The following CDKAL1 variants were observed in gnomAD, a reference collection of about 807,000 sequenced individuals.
CDKAL1 encodes the protein threonylcarbamoyladenosine tRNA methylthiotransferase.
CDKAL1 carries 32 observed loss-of-function variants against 68.2 expected under a neutral mutation model. That is an observed-to-expected ratio of 0.47 (90% CI 0.35 to 0.63). The LOEUF (loss-of-function observed/expected upper bound fraction) is 0.63. Among genes scored for constraint, CDKAL1 ranks in the 30% least tolerant of loss-of-function variants. The probability of loss-of-function intolerance (pLI) is 0.00; values close to 1 mark genes in which losing one functional copy is unlikely to be tolerated. For synonymous variants in CDKAL1, 234 were observed against 244.3 expected (o/e 0.96, Z 0.39); for missense variants, 606 against 696.7 (o/e 0.87, Z 1.47).
chr6:20,864,010 AAAAG>A (rs1242445310), intron 9 of CDKAL1, among the ~76,000 whole-genome samples: 1 of 152,178 alleles, frequency 6.6e-6, no homozygotes, highest in African/African-American at 2.4e-5. Flanking sequence ...TTTTAGTAAA[AAAAG>A]GAGGAGAGGT....
chr6:20,968,170 T>C (rs994972734), intron 10 of CDKAL1, among the ~76,000 whole-genome samples: 5 of 151,542 alleles, frequency 3.3e-5, no homozygotes, highest in Middle Eastern at 3.4e-3. Context: ...TTTTTTGTTT[T>C]TTTTTTGGAC....
chr6:20,558,681 T>C (rs1382583892), intron 4 of CDKAL1: 5 of 441,302 alleles, frequency 1.1e-5, no homozygotes, highest in Non-Finnish European at 2.3e-5. Context: ...TTGAGGAAAA[T>C]AGATTGGCAG....
chr6:20,858,809 G>T (rs914265142), intron 9 of CDKAL1, among the ~76,000 whole-genome samples: 1 of 151,980 alleles, frequency 6.6e-6, no homozygotes, highest in African/African-American at 2.4e-5. Flanking sequence ...TGTATGTAAT[G>T]TATGATCACA....
intron 12 of CDKAL1, among the ~76,000 whole-genome samples, chr6:21,098,454 G>T (rs1162190636): frequency 6.6e-6 from 1 of 151,364 alleles, no homozygotes; most frequent in African/African-American, 2.4e-5. Flanking sequence ...GGGAAAAGGT[G>T]ACCTGAATGG....
At chr6:20,757,968 C>G (rs564631990) in intron 6 of CDKAL1, among the ~76,000 whole-genome samples, 1 of 152,062 alleles carries the variant, frequency 6.6e-6, no homozygotes, top group African/African-American at 2.4e-5. Flanking sequence ...CCCCAGGAGT[C>G]ATCCTTGGTT....
At chr6:20,991,548 A>G (rs888887775) in intron 10 of CDKAL1, among the ~76,000 whole-genome samples, 3 of 151,842 alleles carry the variant, frequency 2.0e-5, no homozygotes, top group Non-Finnish European at 4.4e-5. Flanking sequence ...TCTCTACTAA[A>G]ATACAAAAAT....
chr6:20,985,487 G>T (rs1008622278), intron 10 of CDKAL1, among the ~76,000 whole-genome samples: 1 of 152,128 alleles, frequency 6.6e-6, no homozygotes, highest in African/African-American at 2.4e-5. Flanking sequence ...TAGAGATGGG[G>T]TTTCACTATG....
chr6:20,684,135 G>T (rs1770509712), intron 5 of CDKAL1, among the ~76,000 whole-genome samples: 2 of 152,066 alleles, frequency 1.3e-5, no homozygotes, highest in Admixed American at 6.6e-5. Context: ...TCTAAGTTTT[G>T]GCAATTATGA....
intron 5 of CDKAL1, among the ~76,000 whole-genome samples, chr6:20,735,893 T>A (rs1004131108): frequency 2.0e-5 from 3 of 152,248 alleles, no homozygotes; most frequent in Non-Finnish European, 2.9e-5. Context: ...TTTGTACACC[T>A]CTATAAAACT....
At chr6:20,801,603 TA>T (rs1288685065) in intron 8 of CDKAL1, among the ~76,000 whole-genome samples, 3 of 152,206 alleles carry the variant, frequency 2.0e-5, no homozygotes, top group Non-Finnish European at 4.4e-5. Context: ...GGATTTTATG[TA>T]AAATTTTGAA....
chr6:20,541,378 C>G (rs1763381136), intron 2 of CDKAL1, among the ~76,000 whole-genome samples: 1 of 152,166 alleles, frequency 6.6e-6, no homozygotes, highest in Non-Finnish European at 1.5e-5. Context: ...CTTTATCTTT[C>G]TAGATCTTAT....
intron 4 of CDKAL1, among the ~76,000 whole-genome samples, chr6:20,568,099 C>T (rs557435700): frequency 1.8e-4 from 27 of 151,996 alleles, no homozygotes; most frequent in African/African-American, 6.0e-4. Flanking sequence ...GGATGGTCTC[C>T]GTCTCCTGAC....
intron 11 of CDKAL1, among the ~76,000 whole-genome samples, chr6:21,048,307 C>G (rs1390267650): frequency 6.6e-6 from 1 of 152,222 alleles, no homozygotes; most frequent in South Asian, 2.1e-4. Flanking sequence ...AGTTTGCCAA[C>G]CTCTGACCTG....
chr6:20,729,012 G>A (rs1020443254), intron 5 of CDKAL1, among the ~76,000 whole-genome samples: 1 of 152,130 alleles, frequency 6.6e-6, no homozygotes, highest in African/African-American at 2.4e-5. Context: ...TAAACAGGAA[G>A]TGTTAAAGTA....
At chr6:20,913,151 A>G (rs1762548337) in intron 9 of CDKAL1, among the ~76,000 whole-genome samples, 1 of 148,356 alleles carries the variant, frequency 6.7e-6, no homozygotes, top group East Asian at 2.0e-4. Flanking sequence ...ACACACACAC[A>G]CACACACATT....
intron 12 of CDKAL1, among the ~76,000 whole-genome samples, chr6:21,069,770 CTTTCTTTTTTTTTTTTTTTTTT>C (rs1771658105): frequency 4.7e-5 from 2 of 42,254 alleles, no homozygotes; most frequent in Non-Finnish European, 1.2e-4. Context: ...CCCAGATTTT[CTTTCTTTTTTTTTTTTTTTTTT>C]TTTTTTTTTT....
intron 13 of CDKAL1, among the ~76,000 whole-genome samples, chr6:21,110,613 C>G (rs1266801256): frequency 6.6e-6 from 1 of 152,048 alleles, no homozygotes; most frequent in Non-Finnish European, 1.5e-5. Flanking sequence ...AAAATATATA[C>G]ATATATTGTC....
At chr6:20,646,762 AG>A (rs1768484479) in intron 4 of CDKAL1, among the ~76,000 whole-genome samples, 1 of 152,104 alleles carries the variant, frequency 6.6e-6, no homozygotes, top group Non-Finnish European at 1.5e-5. Flanking sequence ...ATTTATTTTG[AG>A]ACAGAGTTTT....
At chr6:20,598,978 T>C (rs1581793445) in intron 4 of CDKAL1, among the ~76,000 whole-genome samples, 2 of 152,194 alleles carry the variant, frequency 1.3e-5, no homozygotes, top group South Asian at 2.1e-4. Context: ...TAAAAGTCTT[T>C]TCTGCTACTG....
Sources: allele counts gnomAD v4.1 joint callset (sites outside exome capture counted in the v4.1 genomes callset), GRCh38; gene constraint gnomAD v4.1.1; transcripts MANE v1.5; gene names NCBI Gene and HGNC (gene_info 2026-07-23, HGNC 2026-07-21).